The following FHIT variants were observed in gnomAD, a reference collection of about 807,000 sequenced individuals.
FHIT encodes bis(5'-adenosyl)-triphosphatase.
A neutral mutation model predicts 17.9 loss-of-function variants in FHIT; 19 were observed. The ratio of observed to expected loss-of-function variants is 1.06; its 90% confidence interval spans 0.74 to 1.56. FHIT has a LOEUF of 1.56. Ranked by LOEUF, FHIT falls within the 40% of genes most tolerant of loss-of-function variation. The pLI is 0.00. For synonymous variants in FHIT, 81 were observed against 69.7 expected, an observed-to-expected ratio of 1.16 and a Z score of -0.81; for missense variants, 248 against 189.2, an observed-to-expected ratio of 1.31 and a Z score of -1.82.
intron 5 of FHIT, among the ~76,000 whole-genome samples, chr3:60,220,892 T>C (rs186970800): frequency 1.9e-4 from 29 of 152,278 alleles, no homozygotes; most frequent in Admixed American, 7.8e-4. Flanking sequence ...CAAGCCTTTC[T>C]GCATACAGAG....
intron 2 of FHIT, among the ~76,000 whole-genome samples, chr3:61,085,151 A>T (rs2035266641): frequency 6.6e-6 from 1 of 152,148 alleles, no homozygotes; most frequent in Admixed American, 6.5e-5. Flanking sequence ...ACAAGTTTTC[A>T]TTTCAAGACC....
chr3:59,867,546 T>C (rs1485268971), intron 8 of FHIT, among the ~76,000 whole-genome samples: 1 of 152,082 alleles, frequency 6.6e-6, no homozygotes, highest in East Asian at 1.9e-4. Context: ...TTCACTTGCA[T>C]TTATGCATTT....
chr3:60,503,582 A>G (rs2034608554), intron 5 of FHIT, among the ~76,000 whole-genome samples: 1 of 152,176 alleles, frequency 6.6e-6, no homozygotes, highest in Non-Finnish European at 1.5e-5. Flanking sequence ...CTAATAGTGA[A>G]AGTTATGAAA....
At chr3:60,877,401 C>T (rs1559794694) in intron 3 of FHIT, among the ~76,000 whole-genome samples, 1 of 152,168 alleles carries the variant, frequency 6.6e-6, no homozygotes, top group Non-Finnish European at 1.5e-5. Context: ...CTTCACCTGC[C>T]CTCTTGTGCT....
intron 7 of FHIT, among the ~76,000 whole-genome samples, chr3:59,965,282 G>A (rs545549240): frequency 5.2e-4 from 79 of 152,136 alleles, no homozygotes; most frequent in Non-Finnish European, 7.9e-4. Context: ...TAGTGTATGG[G>A]AAATACAGAC....
intron 4 of FHIT, among the ~76,000 whole-genome samples, chr3:60,625,248 A>G (rs1212876211): frequency 1.3e-5 from 2 of 152,222 alleles, no homozygotes; most frequent in African/African-American, 4.8e-5. Flanking sequence ...TGCTATGAAC[A>G]TTCACGTACA....
At chr3:60,300,001 C>T (rs957057827) in intron 5 of FHIT, among the ~76,000 whole-genome samples, 3 of 152,058 alleles carry the variant, frequency 2.0e-5, no homozygotes, top group Non-Finnish European at 2.9e-5. Flanking sequence ...TGTCTGTGCC[C>T]TCTGTCAGCT....
intron 1 of FHIT, among the ~76,000 whole-genome samples, chr3:61,243,423 T>C (rs920830971): frequency 3.3e-5 from 5 of 152,138 alleles, no homozygotes; most frequent in African/African-American, 1.2e-4. Flanking sequence ...ACCACATATA[T>C]GGATTATCAA....
intron 2 of FHIT, among the ~76,000 whole-genome samples, chr3:61,134,410 A>G (rs770878591): frequency 6.6e-6 from 1 of 152,198 alleles, no homozygotes; most frequent in Non-Finnish European, 1.5e-5. Context: ...CAAGCATTCT[A>G]TATTGGAAGT....
intron 8 of FHIT, among the ~76,000 whole-genome samples, chr3:59,782,143 A>G (rs1175608563): frequency 6.6e-6 from 1 of 152,164 alleles, no homozygotes; most frequent in Non-Finnish European, 1.5e-5. Context: ...TTCCTAAAGA[A>G]GTATATGAAA....
At chr3:60,590,807 T>G (rs1553663952) in intron 4 of FHIT, among the ~76,000 whole-genome samples, 1 of 152,072 alleles carries the variant, frequency 6.6e-6, no homozygotes, top group African/African-American at 2.4e-5. Context: ...CACAGCCAAC[T>G]GAACTGATGA....
At chr3:61,116,182 G>T (rs148060168) in intron 2 of FHIT, among the ~76,000 whole-genome samples, 56 of 152,096 alleles carry the variant, frequency 3.7e-4, no homozygotes, top group African/African-American at 1.3e-3. Flanking sequence ...TCGGGTCTTG[G>T]TGGTGCCATC....
intron 3 of FHIT, among the ~76,000 whole-genome samples, chr3:60,944,432 G>A (rs1708556995): frequency 6.6e-6 from 1 of 152,078 alleles, no homozygotes; most frequent in Non-Finnish European, 1.5e-5. Flanking sequence ...GTGTCAGTGA[G>A]CACATCTGGC....
intron 8 of FHIT, among the ~76,000 whole-genome samples, chr3:59,856,429 A>T (rs1487842805): frequency 1.3e-5 from 2 of 152,202 alleles, no homozygotes; most frequent in African/African-American, 4.8e-5. Flanking sequence ...CATATGATAG[A>T]AAAAAAGAGA....
At chr3:59,894,499 GCTAT>G (rs1559706304) in intron 8 of FHIT, among the ~76,000 whole-genome samples, 1 of 151,988 alleles carries the variant, frequency 6.6e-6, no homozygotes, top group Non-Finnish European at 1.5e-5. Flanking sequence ...TGCCCATCAG[GCTAT>G]CTGTGTTTCA....
At chr3:60,300,693 A>T (rs946184235) in intron 5 of FHIT, among the ~76,000 whole-genome samples, 2 of 152,132 alleles carry the variant, frequency 1.3e-5, no homozygotes, top group Non-Finnish European at 2.9e-5. Flanking sequence ...CACTTGCTCC[A>T]ACAAAACCCA....
intron 4 of FHIT, among the ~76,000 whole-genome samples, chr3:60,742,900 G>T (rs1286706837): frequency 6.6e-6 from 1 of 152,198 alleles, no homozygotes; most frequent in Non-Finnish European, 1.5e-5. Context: ...AAGTAGGAAC[G>T]TTTTTCAATG....
At chr3:61,181,604 C>T (rs1181121256) in intron 2 of FHIT, among the ~76,000 whole-genome samples, 1 of 152,134 alleles carries the variant, frequency 6.6e-6, no homozygotes, top group Non-Finnish European at 1.5e-5. Context: ...CTCTGATATT[C>T]CCTGGGTTCC....
In FHIT at chr3:61,114,020, A is replaced by G. The variant is rs1264403885; in HGVS notation, c.-163-71921T>C. ...ACTAGAGAGCAAAAGGGGTTTCTCT[A>G]TGACTATTGAGGTATATTAAGGACT... On this transcript the variant is annotated intron_variant, in intron 2 of 9. Transcript: ENST00000492590. 2.6e-5 allele frequency among the ~76,000 whole-genome samples: 4 copies of G among 152,202 alleles called. No homozygotes were observed. In the East Asian group the frequency reaches 7.7e-4, roughly 29 times the overall value.
Sources: gnomAD v4.1 joint callset for allele counts (sites outside exome capture counted in the v4.1 genomes callset) on GRCh38, gnomAD v4.1.1 for gene constraint, MANE v1.5 for transcripts, NCBI Gene and HGNC (gene_info 2026-07-23, HGNC 2026-07-21) for gene names.